STK3: variants seen among roughly 807,000 people sequenced by gnomAD.
The protein encoded by STK3 is serine/threonine-protein kinase 3.
A neutral mutation model predicts 58.0 loss-of-function variants in STK3; 41 were observed. That is an observed-to-expected ratio of 0.71 (90% CI 0.55 to 0.92). STK3 has a LOEUF of 0.92. STK3 is among the 40% of genes least tolerant of loss of function. STK3 has a pLI of 0.00. For synonymous variants in STK3, 170 were observed against 191.0 expected (o/e 0.89, Z 0.91); for missense variants, 479 against 602.7 (o/e 0.79, Z 2.15).
intron 3 of STK3, among the ~76,000 whole-genome samples, chr8:98,757,289 G>A (rs199874761): frequency 1.3e-5 from 2 of 149,510 alleles, no homozygotes; most frequent in East Asian, 2.0e-4. Flanking sequence ...CAAGCGATTC[G>A]CCTGCCTCAG....
At chr8:98,686,261 G>A (rs979889178) in intron 6 of STK3, among the ~76,000 whole-genome samples, 1 of 152,190 alleles carries the variant, frequency 6.6e-6, no homozygotes. Context: ...GAATACAGAA[G>A]GCACTCTAGA....
At chr8:98,602,719 A>G (rs1816453319) in intron 6 of STK3, among the ~76,000 whole-genome samples, 1 of 152,220 alleles carries the variant, frequency 6.6e-6, no homozygotes. Context: ...AAAGTACAGT[A>G]AGAATTTTAA....
At chr8:98,442,224 C>T (rs181082570) in intron 1 of STK3, among the ~76,000 whole-genome samples, 86 of 152,288 alleles carry the variant, frequency 5.6e-4, no homozygotes, top group African/African-American at 1.9e-3. Flanking sequence ...AGCCCCCAGC[C>T]CCTCTCCCTG....
the STK3 span, among the ~76,000 whole-genome samples, chr8:98,352,782 A>AC: frequency 2.8e-3 from 424 of 152,268 alleles, 4 homozygotes; most frequent in African/African-American, 9.6e-3. Context: ...GAAAAAAAAA[A>AC]CAATGTACAG....
intron 7 of STK3, among the ~76,000 whole-genome samples, chr8:98,589,276 G>C (rs1228816981): frequency 6.6e-6 from 1 of 152,150 alleles, no homozygotes. Context: ...ATGGGTTTTT[G>C]GTGTGGATGT....
chr8:98,764,025 C>G (rs1249414207), intron 3 of STK3, among the ~76,000 whole-genome samples: 1 of 152,128 alleles, frequency 6.6e-6, no homozygotes, highest in African/African-American at 2.4e-5. Context: ...GATCTTTTAA[C>G]CAACTAATTT....
chr8:98,807,294 T>C (rs1833947076), intron 1 of STK3, among the ~76,000 whole-genome samples: 1 of 151,984 alleles, frequency 6.6e-6, no homozygotes, highest in Non-Finnish European at 1.5e-5. Context: ...TCTCATTCTG[T>C]TGCCCAGGCT....
intron 6 of STK3, among the ~76,000 whole-genome samples, chr8:98,673,781 T>A (rs897501992): frequency 2.3e-4 from 35 of 152,056 alleles, no homozygotes; most frequent in African/African-American, 8.5e-4. Flanking sequence ...TTTCAAATTT[T>A]AAAAAAAGAA....
At chr8:98,522,363 A>G (rs764243994) in intron 10 of STK3, among the ~76,000 whole-genome samples, 6 of 152,162 alleles carry the variant, frequency 3.9e-5, no homozygotes, top group Non-Finnish European at 5.9e-5. Context: ...TGCAAAGTAT[A>G]CTGTAATAAT....
Position 98,429,661 on chromosome 8 carries a change from A to T in STK3, n.483+4466T>A, listed in dbSNP as rs1327199261. On this transcript the variant is annotated intron_variant and non_coding_transcript_variant, in intron 3 of 3. Transcript: ENST00000517832. ...ACTGGTCTTTGCATCGTGGGCATAA[A>T]ATGTTCACCTTTTTGCCAGATGAGT... is the stretch of plus-strand genomic sequence containing the variant. 1.2e-5 allele frequency: 6 copies of T among 490,698 alleles called. No individual in the cohort carries two copies. In the East Asian group the frequency reaches 1.9e-4, roughly 16 times the overall value. 30.4% of individuals were successfully genotyped at this position (490,698 alleles called of 1,614,324 possible). A position where few individuals can be genotyped will look rare whatever the true frequency, so the allele number is the denominator to read the frequency against.
chr8:98,344,453 A>C, the STK3 span, among the ~76,000 whole-genome samples: 1 of 152,204 alleles, frequency 6.6e-6, no homozygotes. Context: ...AGGGGACAAT[A>C]CATTCTGCAT....
chr8:98,818,782 A>C (rs1043398880), intron 1 of STK3, among the ~76,000 whole-genome samples: 9 of 152,180 alleles, frequency 5.9e-5, no homozygotes, highest in Non-Finnish European at 1.2e-4. Flanking sequence ...AATTCAAGGT[A>C]ATCTTCATGT....
intron 1 of STK3, among the ~76,000 whole-genome samples, chr8:98,894,205 C>T (rs1181450618): frequency 6.6e-6 from 1 of 152,152 alleles, no homozygotes; most frequent in East Asian, 1.9e-4. Context: ...ACTGATGATG[C>T]CTAAATCTAA....
In STK3 at chr8:98,648,553, G is replaced by T. The variant is rs368381811; in HGVS notation, c.685-52384C>A. ...CCACAAATGCCTTTTGCTCTAATTTGCCACCAATATTGAGTGGAGCCATAA... is the reference window on the plus strand; with the variant it reads ...CCACAAATGCCTTTTGCTCTAATTTTCCACCAATATTGAGTGGAGCCATAA... On this transcript the variant is annotated intron_variant, in intron 6 of 10. Coordinates refer to ENST00000419617, the MANE Select transcript of STK3 (RefSeq NM_006281.4). Among the ~76,000 whole-genome samples, 82 of 152,182 alleles carry T rather than the reference G, an allele frequency of 5.4e-4. 1 individual carries two copies. In the East Asian group the frequency reaches 0.015, roughly 28 times the overall value.
chr8:98,557,971 T>A (rs1262685501), intron 8 of STK3, among the ~76,000 whole-genome samples: 1 of 151,796 alleles, frequency 6.6e-6, no homozygotes, highest in Non-Finnish European at 1.5e-5. Context: ...TGTACAAGTT[T>A]TTGGCATTAT....
intron 6 of STK3, among the ~76,000 whole-genome samples, chr8:98,624,347 A>G (rs1587067489): frequency 6.6e-6 from 1 of 152,176 alleles, no homozygotes. Flanking sequence ...TGTTATCTAG[A>G]GTTATAATAA....
chr8:98,615,444 G>T (rs1173876978), intron 6 of STK3, among the ~76,000 whole-genome samples: 18 of 151,616 alleles, frequency 1.2e-4, no homozygotes, highest in African/African-American at 4.1e-4. Context: ...ACCAGCAATG[G>T]AACAAAGCTG....
chr8:98,743,925 T>G (rs1829442397), intron 4 of STK3, among the ~76,000 whole-genome samples: 1 of 152,150 alleles, frequency 6.6e-6, no homozygotes, highest in Non-Finnish European at 1.5e-5. Flanking sequence ...GCGAAGGACA[T>G]GAACAGACAC....
At chr8:98,644,674 T>C (rs1192121072) in intron 6 of STK3, among the ~76,000 whole-genome samples, 1 of 152,176 alleles carries the variant, frequency 6.6e-6, no homozygotes, top group Non-Finnish European at 1.5e-5. Context: ...TACTCAACAA[T>C]CTTTTTCTCC....
Sources: gnomAD v4.1 joint callset for allele counts (sites outside exome capture counted in the v4.1 genomes callset) on GRCh38, gnomAD v4.1.1 for gene constraint, MANE v1.5 for transcripts, NCBI Gene and HGNC (gene_info 2026-07-23, HGNC 2026-07-21) for gene names.